Variants in LRCH1 observed in about 807,000 individuals in gnomAD.
LRCH1 encodes the protein leucine-rich repeat and calponin homology domain-containing protein 1.
In LRCH1, 23 loss-of-function variants were observed where a neutral mutation model predicts 94.9. That is an observed-to-expected ratio of 0.24 (90% CI 0.17 to 0.34). LRCH1 has a LOEUF of 0.34. LRCH1 is among the 10% of genes least tolerant of loss of function. LRCH1 has a pLI of 1.00. For missense variants in LRCH1, 790 were observed against 945.9 expected (o/e 0.84, Z 2.16); for synonymous variants, 364 against 354.9 (o/e 1.03, Z -0.29).
At chr13:46,554,897 G>A (rs2050047249) in intron 1 of LRCH1, among the ~76,000 whole-genome samples, 1 of 152,256 alleles carries the variant, frequency 6.6e-6, no homozygotes, top group African/African-American at 2.4e-5. Flanking sequence ...TGGATGGGTT[G>A]ACTCTCATCA....
rs1873781544 is a variant in LRCH1 at position 46,743,728 on chromosome 13, A to G, written c.*1880A>G. ...GGTTTTTCCCTTCTTTCTGGGGAGA[A>G]AATGGGAAAAAAAAAAAGAAAACTT... is the stretch of plus-strand genomic sequence containing the variant. On this transcript the variant is annotated 3_prime_UTR_variant, in exon 20 of 20. Transcript: ENST00000389797. The G allele has an allele frequency of 1.2e-6, 1 of 859,236 alleles. No individual in the cohort carries two copies. The highest frequency in any genetic ancestry group is 4.2e-4 in the Admixed American group (1 of 2,386). 53.2% of individuals were successfully genotyped at this position (859,236 alleles called of 1,614,324 possible).
intron 1 of LRCH1, among the ~76,000 whole-genome samples, chr13:46,625,631 G>GT (rs149512536): frequency 0.44 from 54,524 of 124,380 alleles, 12,437 homozygotes; most frequent in South Asian, 0.52. Flanking sequence ...AAATGTGTGG[G>GT]GTTTTTTTTT....
At chr13:46,675,646 C>T (rs1245939296) in intron 3 of LRCH1, among the ~76,000 whole-genome samples, 1 of 152,094 alleles carries the variant, frequency 6.6e-6, no homozygotes, top group Non-Finnish European at 1.5e-5. Context: ...TCATTATTTG[C>T]TTGGGTAGCG....
At position 46,742,241 on chromosome 13, in the gene LRCH1, T is replaced by C; in HGVS notation, c.*393T>C. On this transcript the variant is annotated 3_prime_UTR_variant, in exon 20 of 20. Transcript: ENST00000389797. ...ATTTAGCATATGGAAGTCTTTCCTT[T>C]GGGTCAGTATTGAACTAGAATTCTA... is the stretch of plus-strand genomic sequence containing the variant. 9.3e-7 allele frequency: 1 copy of C among 1,080,346 alleles called. No homozygotes were observed. The highest frequency in any genetic ancestry group is 1.1e-6 in the Non-Finnish European group (1 of 888,218). The allele number at this position is 1,080,346 out of a possible 1,614,324, so 66.9% of individuals were successfully genotyped here.
chr13:46,578,936 C>T (rs1388224787), intron 1 of LRCH1, among the ~76,000 whole-genome samples: 1 of 152,106 alleles, frequency 6.6e-6, no homozygotes, highest in Admixed American at 6.5e-5. Flanking sequence ...TTCACTGGTA[C>T]AGCCAGACTG....
intron 1 of LRCH1, among the ~76,000 whole-genome samples, chr13:46,579,606 A>T (rs182359111): frequency 6.6e-6 from 1 of 152,296 alleles, no homozygotes; most frequent in Non-Finnish European, 1.5e-5. Flanking sequence ...CAATCTGATA[A>T]TATGAATAAC....
intron 1 of LRCH1, among the ~76,000 whole-genome samples, chr13:46,573,318 G>T (rs2050261254): frequency 6.6e-6 from 1 of 152,112 alleles, no homozygotes; most frequent in African/African-American, 2.4e-5. Context: ...ATGCATGAAG[G>T]CTGGACTCTG....
intron 1 of LRCH1, among the ~76,000 whole-genome samples, chr13:46,609,640 C>T (rs1044554929): frequency 6.6e-6 from 1 of 152,116 alleles, no homozygotes; most frequent in African/African-American, 2.4e-5. Context: ...TGAACACTCC[C>T]TGAGTGAAGG....
At chr13:46,582,764 G>A (rs2050388026) in intron 1 of LRCH1, among the ~76,000 whole-genome samples, 1 of 149,300 alleles carries the variant, frequency 6.7e-6, no homozygotes, top group Non-Finnish European at 1.5e-5. Flanking sequence ...GCCTCCCAGA[G>A]TGCTGGGATT....
At chr13:46,597,497 C>T (rs2050577626) in intron 1 of LRCH1, among the ~76,000 whole-genome samples, 1 of 152,070 alleles carries the variant, frequency 6.6e-6, no homozygotes, top group African/African-American at 2.4e-5. Flanking sequence ...GCTGGGGTTA[C>T]AGGCATCAGC....
At chr13:46,627,618 A>C (rs990304246) in intron 1 of LRCH1, among the ~76,000 whole-genome samples, 1 of 151,938 alleles carries the variant, frequency 6.6e-6, no homozygotes, top group East Asian at 1.9e-4. Context: ...GCCCTGGTCC[A>C]CCTACCTTAG....
intron 1 of LRCH1, among the ~76,000 whole-genome samples, chr13:46,605,710 A>G (rs2050679959): frequency 6.6e-6 from 1 of 152,158 alleles, no homozygotes; most frequent in Non-Finnish European, 1.5e-5. Context: ...TAAATTCCTT[A>G]AGGAGAGATT....
chr13:46,617,512 A>C (rs7985741), intron 1 of LRCH1, among the ~76,000 whole-genome samples: 103,913 of 152,098 alleles, frequency 0.68, 35,600 homozygotes, highest in African/African-American at 0.73. Context: ...TTTGCTCCGC[A>C]GGGAGGCTGG....
chr13:46,625,632 G>GATTT (rs2050938118), intron 1 of LRCH1, among the ~76,000 whole-genome samples: 1 of 127,202 alleles, frequency 7.9e-6, no homozygotes, highest in Non-Finnish European at 1.6e-5. Context: ...AATGTGTGGG[G>GATTT]TTTTTTTTTT....
intron 1 of LRCH1, among the ~76,000 whole-genome samples, chr13:46,606,741 T>C (rs993937325): frequency 3.3e-5 from 5 of 152,106 alleles, no homozygotes; most frequent in African/African-American, 1.2e-4. Context: ...TCGGCCAATT[T>C]TTGTATTTTT....
downstream of LRCH1, among the ~76,000 whole-genome samples, chr13:46,745,435 A>T (rs1433560315): frequency 1.3e-5 from 2 of 151,974 alleles, no homozygotes; most frequent in African/African-American, 2.4e-5. Context: ...GCATCCTGGG[A>T]TGGTGGTGTT....
At chr13:46,732,278 G>A (rs1350292493) in intron 18 of LRCH1, among the ~76,000 whole-genome samples, 1 of 152,200 alleles carries the variant, frequency 6.6e-6, no homozygotes, top group Non-Finnish European at 1.5e-5. Context: ...AGTATCCTTA[G>A]AGACTATTCC....
chr13:46,631,165 A>G (rs1016471747), intron 1 of LRCH1, among the ~76,000 whole-genome samples: 2 of 152,194 alleles, frequency 1.3e-5, no homozygotes, highest in African/African-American at 4.8e-5. Flanking sequence ...CACGAGTGTG[A>G]TTATTTTCTG....
At position 46,744,203 on chromosome 13, in the gene LRCH1, C is replaced by G. The variant is rs1267219974; in HGVS notation, c.*2355C>G. ...TGCCCTTGCAGCTTGACTGGGGATA[C>G]CTGGCTGACCTCCTTAGAGTCTGAG... On this transcript the variant is annotated 3_prime_UTR_variant, in exon 20 of 20. Transcript: ENST00000389797. 2 of 985,264 alleles carry G rather than the reference C, an allele frequency of 2.0e-6. No homozygotes were observed. Among genetic ancestry groups the G allele is most frequent in the Non-Finnish European group, 2.4e-6 (2 of 829,928 alleles). 61.0% of individuals were successfully genotyped at this position (985,264 alleles called of 1,614,324 possible).
Sources: allele counts gnomAD v4.1 joint callset (sites outside exome capture counted in the v4.1 genomes callset), GRCh38; gene constraint gnomAD v4.1.1; transcripts MANE v1.5; gene names NCBI Gene and HGNC (gene_info 2026-07-23, HGNC 2026-07-21).